Variants in NPHP4 observed in about 807,000 individuals in gnomAD.
NPHP4 encodes nephrocystin 4, also known as nephrocystin-4.
Under a neutral mutation model 155.8 loss-of-function variants are expected in NPHP4, and 151 were observed. That is an observed-to-expected ratio of 0.97 (90% CI 0.85 to 1.11). NPHP4 has a LOEUF of 1.11. Ranked by LOEUF, NPHP4 falls within the 50% of genes least tolerant of loss-of-function variation. The pLI is 0.00. For synonymous variants in NPHP4, 845 were observed against 816.8 expected (o/e 1.03, Z -0.59); for missense variants, 1,956 against 1,925.7 (o/e 1.02, Z -0.29).
At chr1:5,965,709 T>G (rs1329951407) in intron 5 of NPHP4, among the ~76,000 whole-genome samples, 1 of 152,062 alleles carries the variant, frequency 6.6e-6, no homozygotes, top group African/African-American at 2.4e-5. Context: ...ACCGTTAGCC[T>G]TTCTTCCCTC....
chr1:5,947,570 G>A (rs990960423), intron 8 of NPHP4, among the ~76,000 whole-genome samples: 3 of 152,220 alleles, frequency 2.0e-5, no homozygotes, highest in African/African-American at 7.2e-5. Context: ...CAAGTTACCA[G>A]GAAATGCCAC....
chr1:5,867,076 T>C lies in NPHP4; in HGVS notation c.3512A>G (p.His1171Arg), dbSNP rs1036719782. The C allele has an allele frequency of 2.5e-6, 4 of 1,613,166 alleles. No homozygotes were observed. Among genetic ancestry groups the C allele is most frequent in the Non-Finnish European group, 3.4e-6 (4 of 1,179,610 alleles). The change falls in exon 25 of 30, where the codon CAT (histidine) becomes CGT (arginine). Residue 1171 changes from histidine (H) to arginine (R), a missense_variant. Coordinates refer to ENST00000378156, the MANE Select transcript of NPHP4 (RefSeq NM_015102.5). The surrounding 1 kb of genome is among the most constrained non-coding windows in gnomAD (Gnocchi z 4.1). ...GACGTTCGGGTCGCTGCAGCGAACATGGACTGGGGGGTCCTCACCAAGCAT... is the reference window on the plus strand; with the variant it reads ...GACGTTCGGGTCGCTGCAGCGAACACGGACTGGGGGGTCCTCACCAAGCAT... The part of the protein sequence containing the change: ...VGMLGEDPPV[H>R]VRCSDPNVIC...
In NPHP4 at chr1:5,877,293, G is replaced by A. The variant is rs766742070; in HGVS notation, c.2617C>T (p.His873Tyr). Residue 873 changes from histidine to tyrosine, a missense_variant, in exon 20 of 30, where the codon CAC becomes TAC. His to Tyr is a moderately conservative substitution (Grantham distance 83). Coordinates refer to ENST00000378156, the MANE Select transcript of NPHP4 (RefSeq NM_015102.5). ...GCCAGCTTCTGTGCTTGCACCACGT[G>A]TTTTCCTGCGAAAGGGTCAGAGCGC... ...LLTTGSSRRKHVVQAQKLADV... is the reference protein window; with the variant it reads ...LLTTGSSRRKYVVQAQKLADV... 1 of 1,591,218 alleles carries A rather than the reference G, an allele frequency of 6.3e-7. No homozygotes were observed. Among genetic ancestry groups the A allele is most frequent in the Non-Finnish European group, 8.6e-7 (1 of 1,162,846 alleles).
In NPHP4 at chr1:5,898,843, G is replaced by GCACACACA. The variant is rs146386955; in HGVS notation, c.2143+5766_2143+5773dup. 7.6e-3 allele frequency among the ~76,000 whole-genome samples: 1,140 copies of GCACACACA among 149,732 alleles called. 15 individuals are homozygous for GCACACACA. Among genetic ancestry groups the GCACACACA allele is most frequent in the African/African-American group, 0.026 (1,055 of 40,986 alleles). The stretch of plus-strand genomic sequence containing the variant: ...TGCCTATCAATTCAAACCCACACAT[G>GCACACACA]CACACACACACACACACAGACAACA... On this transcript the variant is annotated intron_variant, in intron 16 of 29. Transcript: ENST00000378156.
chr1:5,932,879 T>C (rs1227026992), intron 10 of NPHP4, among the ~76,000 whole-genome samples: 1 of 152,196 alleles, frequency 6.6e-6, no homozygotes, highest in Non-Finnish European at 1.5e-5. Context: ...CAGGTGAATC[T>C]TGCTGCAAAG....
intron 11 of NPHP4, 59 bp from the exon 12 acceptor site, chr1:5,909,272 G>T: frequency 7.3e-7 from 1 of 1,377,102 alleles, no homozygotes; most frequent in East Asian, 2.4e-5. Context: ...TGGGGGCAGT[G>T]GGCCCCTGAA....
intron 2 of NPHP4, among the ~76,000 whole-genome samples, chr1:5,981,107 T>C (rs1295537934): frequency 6.6e-6 from 1 of 152,196 alleles, no homozygotes; most frequent in Non-Finnish European, 1.5e-5. Context: ...GCAAAGCTTC[T>C]GCACGTGCCC....
At chr1:5,870,465 A>G (rs1287629) in intron 23 of NPHP4, among the ~76,000 whole-genome samples, 45,995 of 152,114 alleles carry the variant, frequency 0.3, 7,724 homozygotes, top group South Asian at 0.41. Flanking sequence ...TGGAAAATCC[A>G]TGGCAGGCAA....
At chr1:5,891,346 T>C (rs1049430117) in intron 16 of NPHP4, among the ~76,000 whole-genome samples, 1 of 152,226 alleles carries the variant, frequency 6.6e-6, no homozygotes, top group Non-Finnish European at 1.5e-5. Context: ...GAGTTTATTA[T>C]TCTGGGCGTG....
intron 16 of NPHP4, among the ~76,000 whole-genome samples, chr1:5,901,276 T>A (rs1644667800): frequency 2.0e-5 from 3 of 152,196 alleles, no homozygotes; most frequent in Admixed American, 2.0e-4. Flanking sequence ...CAACAACAAA[T>A]ATCTTTTAAG....
At chr1:5,958,692 CAAAAAA>C (rs35749567) in intron 6 of NPHP4, among the ~76,000 whole-genome samples, 2 of 124,964 alleles carry the variant, frequency 1.6e-5, no homozygotes, top group African/African-American at 3.0e-5. Context: ...AAGACTGTCT[CAAAAAA>C]AAAAAAAAAA....
intron 5 of NPHP4, among the ~76,000 whole-genome samples, chr1:5,962,170 TTTTG>T (rs899964019): frequency 1.4e-4 from 21 of 152,170 alleles, no homozygotes; most frequent in South Asian, 2.1e-4. Context: ...AATTTTTCTT[TTTTG>T]TTTGTTTGTT....
intron 6 of NPHP4, among the ~76,000 whole-genome samples, chr1:5,958,562 G>A (rs1187387193): frequency 2.6e-5 from 4 of 152,064 alleles, no homozygotes; most frequent in South Asian, 2.1e-4. Context: ...GGGCATGGTC[G>A]TGAACACTTG....
chr1:5,961,209 T>C (rs904293374), intron 6 of NPHP4, among the ~76,000 whole-genome samples: 1 of 151,926 alleles, frequency 6.6e-6, no homozygotes, highest in African/African-American at 2.4e-5. Flanking sequence ...ACTGAAACCA[T>C]GAAGACAGAA....
At chr1:5,900,439 G>C (rs905275721) in intron 16 of NPHP4, among the ~76,000 whole-genome samples, 2 of 152,170 alleles carry the variant, frequency 1.3e-5, no homozygotes, top group Admixed American at 6.5e-5. Flanking sequence ...ACAGTGCTGG[G>C]GGGAAGAAAC....
chr1:5,952,697 C>T lies in NPHP4; in HGVS notation c.810+3G>A, dbSNP rs1360463538. 6.5e-7 allele frequency: 1 copy of T among 1,549,852 alleles called. No homozygotes were observed. Among genetic ancestry groups the T allele is most frequent in the Non-Finnish European group, 8.7e-7 (1 of 1,146,912 alleles). On this transcript the variant is annotated splice_donor_region_variant and intron_variant, in intron 7 of 29. Coordinates refer to ENST00000378156, the MANE Select transcript of NPHP4 (RefSeq NM_015102.5). ...GCCCCCCATCACGCTTCTGACTCCA[C>T]ACCTCCTGGAAGTGGTCCTGGACGT...
chr1:5,872,670 T>C (rs985206402), intron 23 of NPHP4, among the ~76,000 whole-genome samples: 2 of 152,148 alleles, frequency 1.3e-5, no homozygotes, highest in Non-Finnish European at 2.9e-5. Flanking sequence ...CTCCAGGCAA[T>C]GTGTAAGAAA....
chr1:5,969,243 G>C lies in NPHP4; in HGVS notation c.296C>G (p.Thr99Arg). Residue 99 changes from threonine (T) to arginine (R), a missense_variant, in exon 4 of 30, where the codon ACA becomes AGA. Physicochemically the swap from Thr to Arg is moderately conservative, Grantham distance 71. Transcript: ENST00000378156. ...IVFNEPLYFH[T>R]SLNHPHIVAV... ...CACGATATGAGGGTGGTTTAGGGAT[G>C]TGTGAAAATACAAGGGCTGCAGAAC... 1 of 1,564,212 alleles carries C rather than the reference G, an allele frequency of 6.4e-7. No individual in the cohort carries two copies. Among genetic ancestry groups the C allele is most frequent in the Non-Finnish European group, 8.7e-7 (1 of 1,147,870 alleles).
At chr1:5,891,182 T>C (rs1346178126) in intron 16 of NPHP4, among the ~76,000 whole-genome samples, 154 bp from the exon 17 acceptor site, 1 of 152,244 alleles carries the variant, frequency 6.6e-6, no homozygotes, top group Non-Finnish European at 1.5e-5. Context: ...TCATAAAATA[T>C]TCAAATTAAC....
Sources: allele counts gnomAD v4.1 joint callset (sites outside exome capture counted in the v4.1 genomes callset), GRCh38; gene constraint gnomAD v4.1.1; non-coding constraint Gnocchi (gnomAD v3.1); transcripts MANE v1.5; gene names NCBI Gene and HGNC (gene_info 2026-07-23, HGNC 2026-07-21).